GALNTL6: variants seen among roughly 807,000 people sequenced by gnomAD.
GALNTL6 encodes the protein polypeptide N-acetylgalactosaminyltransferase-like 6.
In GALNTL6, 46 loss-of-function variants were observed where a neutral mutation model predicts 73.7. The observed-to-expected ratio is 0.62, with a 90% confidence interval of 0.49 to 0.80. The LOEUF (loss-of-function observed/expected upper bound fraction) is 0.80, where lower values mean the gene tolerates loss of function less well. GALNTL6 is among the 30% of genes least tolerant of loss of function. The pLI is 0.00. For missense variants in GALNTL6, 604 were observed against 755.0 expected, an observed-to-expected ratio of 0.80 and a Z score of 2.34; for synonymous variants, 259 against 263.7, an observed-to-expected ratio of 0.98 and a Z score of 0.17.
chr4:172,018,325 C>G (rs777506461), intron 2 of GALNTL6, among the ~76,000 whole-genome samples: 10 of 151,958 alleles, frequency 6.6e-5, no homozygotes, highest in Non-Finnish European at 7.4e-5. Flanking sequence ...AGAGAAATAT[C>G]AGGTAGGGGC....
chr4:172,589,415 T>G (rs985434115), intron 5 of GALNTL6, among the ~76,000 whole-genome samples: 1 of 152,230 alleles, frequency 6.6e-6, no homozygotes, highest in Non-Finnish European at 1.5e-5. Context: ...AGTCATTTCC[T>G]AGGTAAAGAA....
At chr4:172,205,077 A>C (rs904357043) in intron 2 of GALNTL6, among the ~76,000 whole-genome samples, 1 of 152,354 alleles carries the variant, frequency 6.6e-6, no homozygotes, top group South Asian at 2.1e-4. Context: ...CAGCTAATTA[A>C]GAACCCCTAG....
chr4:172,389,632 G>C (rs1007545925), intron 5 of GALNTL6, among the ~76,000 whole-genome samples: 2 of 152,034 alleles, frequency 1.3e-5, no homozygotes, highest in African/African-American at 4.8e-5. Context: ...GAAGGTAGGA[G>C]GTAAATAAAA....
intron 5 of GALNTL6, among the ~76,000 whole-genome samples, chr4:172,528,991 GTATA>G (rs201902330): frequency 1.9e-4 from 18 of 96,650 alleles, no homozygotes; most frequent in East Asian, 1.0e-3. Context: ...ACATATGTGT[GTATA>G]TATATATATA....
chr4:172,569,779 C>G (rs558401886), intron 5 of GALNTL6, among the ~76,000 whole-genome samples: 43 of 151,506 alleles, frequency 2.8e-4, no homozygotes, highest in African/African-American at 9.9e-4. Flanking sequence ...GCAAAGCTAT[C>G]AAGGAAAGAT....
At chr4:172,120,526 CCTTGA>C (rs1432630304) in intron 2 of GALNTL6, among the ~76,000 whole-genome samples, 5 of 152,046 alleles carry the variant, frequency 3.3e-5, no homozygotes, top group African/African-American at 9.7e-5. Flanking sequence ...ATCCCCATAT[CCTTGA>C]CTTGACCACA....
rs34428087 is a variant in GALNTL6, at chr4:172,334,983, C to CTTT, written c.387-13527_387-13525dup. On this transcript the variant is annotated intron_variant, in intron 4 of 12. Coordinates refer to ENST00000506823, the MANE Select transcript of GALNTL6 (RefSeq NM_001034845.3). ...TTTGTCTATTGATATAATCATATGACTTTTTTTTTTTTTTTGAGACAGAGT... is the reference window on the plus strand; with the variant it reads ...TTTGTCTATTGATATAATCATATGACTTTTTTTTTTTTTTTTTTGAGACAGAGT... Among the ~76,000 whole-genome samples the CTTT allele has an allele frequency of 7.5e-4, 106 of 141,658 alleles. 2 individuals are homozygous for CTTT. The South Asian group carries it at 0.014, about 19-fold the overall frequency. 92.9% of individuals were successfully genotyped at this position (141,658 alleles called of 152,430 possible). A position where few individuals can be genotyped will look rare whatever the true frequency, so the allele number is the denominator to read the frequency against.
chr4:172,329,089 C>A (rs1197847935), intron 4 of GALNTL6, among the ~76,000 whole-genome samples: 4 of 152,122 alleles, frequency 2.6e-5, no homozygotes, highest in African/African-American at 9.7e-5. Flanking sequence ...AGGACCAGGA[C>A]CTACATGGAG....
intron 5 of GALNTL6, among the ~76,000 whole-genome samples, chr4:172,626,731 T>C (rs1450687601): frequency 1.3e-5 from 2 of 152,164 alleles, no homozygotes; most frequent in East Asian, 1.9e-4. Flanking sequence ...GTGAGCTGTA[T>C]TCCTAGGTAA....
Position 172,960,357 on chromosome 4 carries a change from C to T in GALNTL6, c.1371+8099C>T, listed in dbSNP as rs192265751. Among the ~76,000 whole-genome samples the T allele has an allele frequency of 1.1e-4, 17 of 152,212 alleles. No homozygotes were observed. The East Asian group carries it at 1.4e-3, about 12-fold the overall frequency. ...AGGTTGGGGAGGGCTAGTCACGGAA[C>T]GAAACTGTAAGCCAGACCGGGTGTG... On this transcript the variant is annotated intron_variant, in intron 10 of 12. Transcript: ENST00000506823.
chr4:172,345,189 G>A (rs549060807), intron 4 of GALNTL6, among the ~76,000 whole-genome samples: 1 of 151,904 alleles, frequency 6.6e-6, no homozygotes, highest in South Asian at 2.1e-4. Context: ...GCAGTAAATG[G>A]CAAAGCTATC....
intron 5 of GALNTL6, among the ~76,000 whole-genome samples, chr4:172,625,783 A>G (rs1739144720): frequency 6.6e-6 from 1 of 151,934 alleles, no homozygotes; most frequent in South Asian, 2.1e-4. Context: ...AGTGATGTTG[A>G]GTGTTTTTTC....
intron 2 of GALNTL6, among the ~76,000 whole-genome samples, chr4:172,113,385 G>A (rs976635205): frequency 2.0e-4 from 30 of 152,012 alleles, no homozygotes; most frequent in Admixed American, 1.1e-3. Context: ...AATTTGAGCA[G>A]TAAAAACATA....
chr4:172,756,125 G>A (rs912275016), intron 5 of GALNTL6, among the ~76,000 whole-genome samples: 37 of 152,276 alleles, frequency 2.4e-4, no homozygotes, highest in African/African-American at 3.4e-4. Flanking sequence ...CAATGCAAGC[G>A]CTTCAGAAGT....
chr4:172,466,261 A>C (rs976238642), intron 5 of GALNTL6, among the ~76,000 whole-genome samples: 3 of 152,182 alleles, frequency 2.0e-5, no homozygotes, highest in Non-Finnish European at 4.4e-5. Context: ...AAATTAACTT[A>C]AAATTTATTT....
At chr4:172,480,989 A>C (rs1733440337) in intron 5 of GALNTL6, among the ~76,000 whole-genome samples, 1 of 152,226 alleles carries the variant, frequency 6.6e-6, no homozygotes, top group African/African-American at 2.4e-5. Flanking sequence ...AAAGCAAGTC[A>C]CAACGTGTCC....
At chr4:172,444,984 G>T (rs1731969583) in intron 5 of GALNTL6, among the ~76,000 whole-genome samples, 1 of 152,146 alleles carries the variant, frequency 6.6e-6, no homozygotes, top group Non-Finnish European at 1.5e-5. Flanking sequence ...AGCCATGACT[G>T]TAACTCTGTC....
At chr4:171,831,155 T>C (rs1051457616) in intron 2 of GALNTL6, among the ~76,000 whole-genome samples, 2 of 152,050 alleles carry the variant, frequency 1.3e-5, no homozygotes, top group African/African-American at 4.8e-5. Flanking sequence ...AGTCCTCCTT[T>C]GAACAACCCC....
chr4:172,539,641 T>G (rs545049478), intron 5 of GALNTL6, among the ~76,000 whole-genome samples: 11 of 152,144 alleles, frequency 7.2e-5, no homozygotes, highest in African/African-American at 2.6e-4. Context: ...CTTAAATCAT[T>G]TAACTTTTCA....
Sources: gnomAD v4.1 joint callset for allele counts (sites outside exome capture counted in the v4.1 genomes callset) on GRCh38, gnomAD v4.1.1 for gene constraint, MANE v1.5 for transcripts, NCBI Gene and HGNC (gene_info 2026-07-23, HGNC 2026-07-21) for gene names.